Variants in SAXO5 observed in about 807,000 individuals in gnomAD.
SAXO5 encodes stabilizer of axonemal microtubules 5, also known as testis expressed 45.
the SAXO5 span, among the ~76,000 whole-genome samples, chr19:7,500,236 G>A: frequency 6.6e-6 from 1 of 152,108 alleles, no homozygotes; most frequent in African/African-American, 2.4e-5. Context: ...CAGGCCTAGA[G>A]TAGGGACAGA....
the SAXO5 span, chr19:7,501,478 C>G: frequency 1.5e-6 from 2 of 1,349,226 alleles, no homozygotes; most frequent in Non-Finnish European, 1.9e-6. Context: ...CTTCATTCCC[C>G]TTCCCCCAGG....
chr19:7,504,473 T>C, the SAXO5 span: 2 of 1,348,736 alleles, frequency 1.5e-6, no homozygotes, highest in Admixed American at 3.5e-5. Context: ...TTTGGGAGGC[T>C]GAGGCAGACA....
the SAXO5 span, chr19:7,505,847 G>C: frequency 9.2e-7 from 1 of 1,086,108 alleles, no homozygotes; most frequent in Non-Finnish European, 1.3e-6. Context: ...CTACCAGGTG[G>C]GGCCCAGAAG....
the SAXO5 span, among the ~76,000 whole-genome samples, chr19:7,502,696 C>T: frequency 6.6e-6 from 1 of 152,130 alleles, no homozygotes; most frequent in African/African-American, 2.4e-5. Flanking sequence ...CCACACCCCC[C>T]AGCCTTACCA....
chr19:7,501,151 C>G, the SAXO5 span: 9 of 1,511,196 alleles, frequency 6.0e-6, no homozygotes, highest in Non-Finnish European at 7.0e-6. Context: ...GCCATGCAGG[C>G]CGGCAACCTG....
At chr19:7,505,445 C>G in the SAXO5 span, 21 of 1,614,028 alleles carry the variant, frequency 1.3e-5, no homozygotes, top group Admixed American at 3.2e-4. Flanking sequence ...AGGTGAGAGC[C>G]TGAGGCCCGC....
chr19:7,502,384 A>G, the SAXO5 span, among the ~76,000 whole-genome samples: 1 of 152,232 alleles, frequency 6.6e-6, no homozygotes, highest in Non-Finnish European at 1.5e-5. Flanking sequence ...TGCTGGGATT[A>G]TAGGCATGAG....
the SAXO5 span, among the ~76,000 whole-genome samples, chr19:7,498,164 CACACAT>C: frequency 1.4e-4 from 15 of 104,666 alleles, no homozygotes; most frequent in African/African-American, 5.2e-4. Flanking sequence ...AACACACACA[CACACAT>C]ACACACACAC....
the SAXO5 span, chr19:7,501,361 A>ACGCGCGCCCGCAGCCT: frequency 2.6e-6 from 4 of 1,523,052 alleles, no homozygotes; most frequent in Non-Finnish European, 3.5e-6. Flanking sequence ...CCACCCCACG[A>ACGCGCGCCCGCAGCCT]CGCGCGCCCG....
the SAXO5 span, among the ~76,000 whole-genome samples, chr19:7,504,977 TTTTTTTTTTTC>T: frequency 7.6e-6 from 1 of 131,638 alleles, no homozygotes; most frequent in African/African-American, 3.3e-5. Context: ...CTTCTTCTTC[TTTTTTTTTTTC>T]TTTTTTTTTT....
At chr19:7,498,406 T>C in the SAXO5 span, among the ~76,000 whole-genome samples, 11 of 147,884 alleles carry the variant, frequency 7.4e-5, no homozygotes, top group Non-Finnish European at 1.4e-4. Context: ...TTTTTTTTTT[T>C]TTTTTTTGAG....
the SAXO5 span, chr19:7,508,395 C>A: frequency 1.9e-6 from 3 of 1,613,236 alleles, no homozygotes; most frequent in Non-Finnish European, 2.5e-6. Context: ...TCTGGTCCCC[C>A]AGCCCCCTAT....
chr19:7,505,627 G>A, the SAXO5 span: 17 of 1,613,972 alleles, frequency 1.1e-5, no homozygotes, highest in South Asian at 1.9e-4. Context: ...CTACGGCCAG[G>A]TGAGCAGGAA....
chr19:7,504,518 C>T, the SAXO5 span: 1 of 818,496 alleles, frequency 1.2e-6, no homozygotes, highest in South Asian at 1.5e-5. Context: ...CCAGCCTGGC[C>T]AATATGGTGA....
At chr19:7,505,858 G>A in the SAXO5 span, 1 of 1,170,984 alleles carries the variant, frequency 8.5e-7, no homozygotes, top group Non-Finnish European at 1.2e-6. Flanking sequence ...GGCCCAGAAG[G>A]GGTGAGGGAG....
At chr19:7,505,145 G>T in the SAXO5 span, among the ~76,000 whole-genome samples, 1 of 151,720 alleles carries the variant, frequency 6.6e-6, no homozygotes, top group Non-Finnish European at 1.5e-5. Context: ...CACCATGCCC[G>T]GCTAATTTTG....
the SAXO5 span, chr19:7,501,138 C>A: frequency 2.0e-6 from 3 of 1,508,348 alleles, no homozygotes; most frequent in Non-Finnish European, 2.6e-6. Flanking sequence ...GGAACGCACG[C>A]TCGCCATGCA....
At chr19:7,506,865 T>A in the SAXO5 span, 1 of 405,344 alleles carries the variant, frequency 2.5e-6, no homozygotes, top group Non-Finnish European at 4.7e-6. Context: ...TCCCAGCTCC[T>A]CCCCCTTCCT....
chr19:7,501,551 G>A, the SAXO5 span: 1 of 933,276 alleles, frequency 1.1e-6, no homozygotes, highest in Non-Finnish European at 1.5e-6. Flanking sequence ...GCCGGGCGCG[G>A]TGGCTCAAGC....
Sources: allele counts gnomAD v4.1 joint callset (sites outside exome capture counted in the v4.1 genomes callset), GRCh38; gene constraint gnomAD v4.1.1; transcripts MANE v1.5; gene names NCBI Gene and HGNC (gene_info 2026-07-23, HGNC 2026-07-21).